SREBF2: variants seen among roughly 807,000 people sequenced by gnomAD.
SREBF2 encodes sterol regulatory element binding transcription factor 2.
A neutral mutation model predicts 113.1 loss-of-function variants in SREBF2; 55 were observed. The observed-to-expected ratio is 0.49, with a 90% CI of 0.39 to 0.61. The LOEUF is 0.61. SREBF2 is among the 20% of genes least tolerant of loss of function. The pLI, the probability that SREBF2 is intolerant of heterozygous loss-of-function variation, is 0.00. For synonymous variants in SREBF2, 593 were observed against 605.7 expected, an observed-to-expected ratio of 0.98 and a Z score of 0.31; for missense variants, 1,349 against 1,487.4, an observed-to-expected ratio of 0.91 and a Z score of 1.53.
In SREBF2 at chr22:41,902,403, A is replaced by T. The variant is rs115209768; in HGVS notation, c.2908-567A>T. Among the ~76,000 whole-genome samples the T allele has an allele frequency of 4.5e-3, 692 of 152,324 alleles. 6 individuals are homozygous for T. Among genetic ancestry groups the T allele is most frequent in the African/African-American group, 0.016 (659 of 41,572 alleles). On this transcript the variant is annotated intron_variant, in intron 16 of 18. Coordinates refer to ENST00000361204, the MANE Select transcript of SREBF2 (RefSeq NM_004599.4). Reference sequence around the variant, plus strand: ...CTGAGGCTCAGAGAGACTAAGTCCTATGCCAGGGTCATGTAGCTAGTAAGT... The same window carrying T: ...CTGAGGCTCAGAGAGACTAAGTCCTTTGCCAGGGTCATGTAGCTAGTAAGT...
intron 1 of SREBF2, among the ~76,000 whole-genome samples, chr22:41,851,092 G>A (rs541538743): frequency 3.9e-5 from 6 of 152,244 alleles, no homozygotes; most frequent in Non-Finnish European, 8.8e-5. Flanking sequence ...TTGATATAAC[G>A]TACTAAGTGG....
At chr22:41,900,309 G>C in intron 15 of SREBF2, 21 bp from the exon 16 acceptor site, 1 of 1,609,804 alleles carries the variant, frequency 6.2e-7, no homozygotes, top group Non-Finnish European at 8.5e-7. Flanking sequence ...CCTGCCTCTC[G>C]ACTCCCTGTC....
chr22:41,834,149 G>A (rs1048178400), intron 1 of SREBF2, among the ~76,000 whole-genome samples: 1 of 152,178 alleles, frequency 6.6e-6, no homozygotes, highest in Admixed American at 6.5e-5. Context: ...ACAACGATTT[G>A]GAGAGGGTCA....
chr22:41,862,165 G>A (rs2077033425), intron 1 of SREBF2, among the ~76,000 whole-genome samples: 1 of 152,110 alleles, frequency 6.6e-6, no homozygotes, highest in African/African-American at 2.4e-5. Context: ...TCATTCTCAG[G>A]TAGATGCTGA....
At chr22:41,872,615 G>A (rs2077156012) in intron 4 of SREBF2, among the ~76,000 whole-genome samples, 1 of 152,164 alleles carries the variant, frequency 6.6e-6, no homozygotes, top group African/African-American at 2.4e-5. Context: ...ATTGGTCCAG[G>A]CCCAGTGGCT....
At chr22:41,849,791 C>T (rs986485950) in intron 1 of SREBF2, among the ~76,000 whole-genome samples, 3 of 152,258 alleles carry the variant, frequency 2.0e-5, no homozygotes, top group African/African-American at 4.8e-5. Flanking sequence ...GCGTCCATTA[C>T]ATACATGTTC....
intron 1 of SREBF2, among the ~76,000 whole-genome samples, chr22:41,866,266 A>AG (rs2058656264): frequency 6.6e-6 from 1 of 152,122 alleles, no homozygotes; most frequent in African/African-American, 2.4e-5. Context: ...GGAAAAAGAG[A>AG]GAGGCTGGGT....
At chr22:41,860,346 T>A (rs1037754445) in intron 1 of SREBF2, among the ~76,000 whole-genome samples, 122 of 151,346 alleles carry the variant, frequency 8.1e-4, no homozygotes, top group African/African-American at 2.8e-3. Context: ...ATTGGGACTT[T>A]AGAAAAAAAA....
intron 1 of SREBF2, among the ~76,000 whole-genome samples, chr22:41,856,231 A>G (rs190127803): frequency 7.2e-5 from 11 of 152,142 alleles, no homozygotes; most frequent in Admixed American, 5.9e-4. Flanking sequence ...GGCTTAAGCA[A>G]TCCTCCCACC....
chr22:41,845,412 C>CCTGT (rs2076869010), intron 1 of SREBF2, among the ~76,000 whole-genome samples: 1 of 152,170 alleles, frequency 6.6e-6, no homozygotes, highest in East Asian at 1.9e-4. Context: ...ATTCAGGAAG[C>CCTGT]CTGTCTGTCT....
intron 1 of SREBF2, among the ~76,000 whole-genome samples, chr22:41,845,412 C>A (rs1244617733): frequency 6.6e-6 from 1 of 152,170 alleles, no homozygotes; most frequent in East Asian, 1.9e-4. Context: ...ATTCAGGAAG[C>A]CTGTCTGTCT....
At chr22:41,904,577 A>G (rs1338638191) in intron 17 of SREBF2, 3 of 610,496 alleles carry the variant, frequency 4.9e-6, no homozygotes, top group South Asian at 4.6e-5. Context: ...GCACTTGTCT[A>G]CCAGCCCCAC....
intron 1 of SREBF2, among the ~76,000 whole-genome samples, chr22:41,835,927 G>T (rs2076770342): frequency 6.6e-6 from 1 of 152,214 alleles, no homozygotes; most frequent in Non-Finnish European, 1.5e-5. Flanking sequence ...ACCCGACCCT[G>T]TCTTAATTTG....
intron 3 of SREBF2, among the ~76,000 whole-genome samples, chr22:41,869,315 T>C (rs988490736): frequency 6.6e-6 from 1 of 151,290 alleles, no homozygotes; most frequent in African/African-American, 2.4e-5. Context: ...CAGGCTGGCT[T>C]GAACTTCTGA....
chr22:41,873,415 TAC>T (rs558417943), intron 4 of SREBF2, among the ~76,000 whole-genome samples: 52 of 152,268 alleles, frequency 3.4e-4, no homozygotes, highest in Non-Finnish European at 3.8e-4. Flanking sequence ...AAATGTGTCA[TAC>T]ACTAGGAGAA....
At chr22:41,884,755 C>T in intron 10 of SREBF2, 87 bp from the exon 11 acceptor site, 1 of 1,453,620 alleles carries the variant, frequency 6.9e-7, no homozygotes, top group East Asian at 2.3e-5. Flanking sequence ...CCTGGTTCCT[C>T]TCTTACTTTG....
intron 1 of SREBF2, among the ~76,000 whole-genome samples, chr22:41,849,278 G>A (rs1438460245): frequency 2.0e-5 from 3 of 152,054 alleles, no homozygotes; most frequent in African/African-American, 7.2e-5. Flanking sequence ...TGCAAACTCT[G>A]CCTTCCAGAT....
intron 1 of SREBF2, among the ~76,000 whole-genome samples, chr22:41,857,478 T>C (rs2076988223): frequency 2.0e-5 from 3 of 152,214 alleles, no homozygotes; most frequent in Admixed American, 6.5e-5. Context: ...TCATGATTCC[T>C]TTTTCTTCTC....
At chr22:41,865,090 C>G (rs1357890415) in intron 1 of SREBF2, among the ~76,000 whole-genome samples, 1 of 152,120 alleles carries the variant, frequency 6.6e-6, no homozygotes, top group Non-Finnish European at 1.5e-5. Context: ...CAGCAGCTTT[C>G]TGTTTGTCAG....
Sources: gnomAD v4.1 joint callset for allele counts (sites outside exome capture counted in the v4.1 genomes callset) on GRCh38, gnomAD v4.1.1 for gene constraint, MANE v1.5 for transcripts, NCBI Gene and HGNC (gene_info 2026-07-23, HGNC 2026-07-21) for gene names.